Variants in MARCHF1 observed in about 807,000 individuals in gnomAD.
The protein encoded by MARCHF1 is E3 ubiquitin-protein ligase MARCHF1.
MARCHF1 carries 40 observed loss-of-function variants against 54.2 expected under a neutral mutation model. That is an observed-to-expected ratio of 0.74 (90% CI 0.57 to 0.96). The LOEUF is 0.96. MARCHF1 is among the 40% of genes least tolerant of loss of function. The pLI is 0.00. For synonymous variants in MARCHF1, 236 were observed against 236.3 expected (o/e 1.00, Z 0.01); for missense variants, 586 against 656.5 (o/e 0.89, Z 1.17).
chr4:163,926,562 T>C (rs966745309), intron 3 of MARCHF1, among the ~76,000 whole-genome samples: 7 of 151,640 alleles, frequency 4.6e-5, no homozygotes, highest in African/African-American at 1.4e-4. Context: ...CTAATCCTTC[T>C]CCAAAATGGT....
chr4:164,033,550 A>C (rs1179050907), intron 2 of MARCHF1, among the ~76,000 whole-genome samples: 1 of 152,214 alleles, frequency 6.6e-6, no homozygotes, highest in Non-Finnish European at 1.5e-5. Context: ...AATATCCAGA[A>C]TTTACAAGGA....
Position 163,676,230 on chromosome 4 carries a change from A to C in MARCHF1, c.162+24583T>G, listed in dbSNP as rs988875700. ...AAATTAGCTGGGCGTGGTGGCAGGC[A>C]CCTGTAATCCCAGGTACTAGGGAGG... On this transcript the variant is annotated intron_variant, in intron 5 of 9. Transcript: ENST00000514618. Among the ~76,000 whole-genome samples, 3 of 150,030 alleles carry C rather than the reference A, an allele frequency of 2.0e-5. No homozygotes were observed. In the East Asian group the frequency reaches 5.9e-4, roughly 29 times the overall value.
intron 2 of MARCHF1, among the ~76,000 whole-genome samples, chr4:164,096,115 C>T (rs1262610276): frequency 6.6e-6 from 1 of 152,168 alleles, no homozygotes; most frequent in African/African-American, 2.4e-5. Context: ...CACATGCACT[C>T]ATATGTTCAC....
intron 3 of MARCHF1, among the ~76,000 whole-genome samples, chr4:163,895,492 C>A (rs1750785809): frequency 6.6e-6 from 1 of 152,128 alleles, no homozygotes; most frequent in South Asian, 2.1e-4. Context: ...GCCACCTAAA[C>A]CAGAAGTAAG....
chr4:163,724,506 T>G (rs962786279), intron 4 of MARCHF1, among the ~76,000 whole-genome samples: 1 of 152,168 alleles, frequency 6.6e-6, no homozygotes, highest in Non-Finnish European at 1.5e-5. Context: ...TCAAACTCCA[T>G]GCTGGGAGAA....
chr4:164,147,437 T>G lies in MARCHF1; in HGVS notation c.-322-35775A>C, dbSNP rs916499951. 7.6e-5 allele frequency among the ~76,000 whole-genome samples: 10 copies of G among 131,162 alleles called. 1 individual carries two copies. The highest frequency in any genetic ancestry group is 3.4e-4 in the African/African-American group (10 of 29,640). 86.0% of individuals were successfully genotyped at this position (131,162 alleles called of 152,430 possible). A position where few individuals can be genotyped will look rare whatever the true frequency, so the allele number is the denominator to read the frequency against. ...TGGAACTAACCCAAATGTCCAACAATGATAGACTGGATTAAGAAAATGTGG... is the reference window on the plus strand; with the variant it reads ...TGGAACTAACCCAAATGTCCAACAAGGATAGACTGGATTAAGAAAATGTGG... On this transcript the variant is annotated intron_variant, in intron 1 of 9. Coordinates refer to ENST00000514618, the MANE Select transcript of MARCHF1 (RefSeq NM_001394959.1).
intron 2 of MARCHF1, among the ~76,000 whole-genome samples, chr4:164,013,456 G>A (rs1387484575): frequency 1.3e-5 from 2 of 152,084 alleles, no homozygotes; most frequent in South Asian, 2.1e-4. Flanking sequence ...TAAGGAGGAT[G>A]GAAAGAGAAA....
intron 2 of MARCHF1, among the ~76,000 whole-genome samples, chr4:163,993,964 G>A (rs1339357673): frequency 6.6e-6 from 1 of 152,078 alleles, no homozygotes; most frequent in East Asian, 1.9e-4. Context: ...GATTTATTTT[G>A]GCAAATAAAG....
intron 1 of MARCHF1, among the ~76,000 whole-genome samples, chr4:164,206,199 G>C (rs1185638710): frequency 6.6e-6 from 1 of 152,164 alleles, no homozygotes; most frequent in African/African-American, 2.4e-5. Context: ...CACTTTGGGA[G>C]GCTCAGGCAG....
intron 8 of MARCHF1, among the ~76,000 whole-genome samples, chr4:163,557,866 C>G (rs79505443): frequency 6.6e-6 from 1 of 152,128 alleles, no homozygotes; most frequent in Admixed American, 6.5e-5. Context: ...TTAAACCAAT[C>G]TAATATTATT....
chr4:164,013,600 C>T (rs1753473008), intron 2 of MARCHF1, among the ~76,000 whole-genome samples: 1 of 151,932 alleles, frequency 6.6e-6, no homozygotes, highest in Non-Finnish European at 1.5e-5. Context: ...AATAAACTCT[C>T]AAAGGTCAAG....
intron 7 of MARCHF1, among the ~76,000 whole-genome samples, chr4:163,596,875 T>C (rs1055029730): frequency 2.0e-5 from 3 of 152,310 alleles, no homozygotes; most frequent in Admixed American, 6.5e-5. Flanking sequence ...TAAAATGTGG[T>C]TCCTTCCTCT....
chr4:164,305,169 C>CA lies in MARCHF1; in HGVS notation c.-323+78700dup, dbSNP rs1395518228. Reference sequence around the variant, plus strand: ...TACTGTGAAATGGGAAAGTGACCCCCAAAATGGCAAAATCCCCACCCTATA... The same window carrying CA: ...TACTGTGAAATGGGAAAGTGACCCCCAAAAATGGCAAAATCCCCACCCTATA... On this transcript the variant is annotated intron_variant, in intron 1 of 9. Transcript: ENST00000514618. 2.0e-5 allele frequency among the ~76,000 whole-genome samples: 3 copies of CA among 152,180 alleles called. No homozygotes were observed. The East Asian group carries it at 5.8e-4, about 29-fold the overall frequency.
intron 5 of MARCHF1, among the ~76,000 whole-genome samples, chr4:163,696,275 A>T (rs1744629996): frequency 6.6e-6 from 1 of 152,192 alleles, no homozygotes; most frequent in Non-Finnish European, 1.5e-5. Context: ...TTTGATGTTC[A>T]CGAGCAATTG....
intron 2 of MARCHF1, among the ~76,000 whole-genome samples, chr4:164,015,934 G>A (rs755596188): frequency 6.6e-6 from 1 of 151,262 alleles, no homozygotes; most frequent in Non-Finnish European, 1.5e-5. Flanking sequence ...GAACTACCAT[G>A]TGATCCAACA....
intron 2 of MARCHF1, among the ~76,000 whole-genome samples, chr4:163,990,012 T>C (rs1752943414): frequency 6.6e-6 from 1 of 152,204 alleles, no homozygotes. Context: ...AGCAATAATA[T>C]CATTTCCATT....
intron 3 of MARCHF1, among the ~76,000 whole-genome samples, chr4:163,984,127 G>C (rs1302305045): frequency 6.6e-6 from 1 of 152,044 alleles, no homozygotes; most frequent in Non-Finnish European, 1.5e-5. Flanking sequence ...CCCAGTAACA[G>C]ATCTCCAGCT....
chr4:164,285,605 G>A (rs1437045948), intron 1 of MARCHF1, among the ~76,000 whole-genome samples: 1 of 151,334 alleles, frequency 6.6e-6, no homozygotes, highest in Non-Finnish European at 1.5e-5. Flanking sequence ...ACCACGCCCG[G>A]CTAAATTTTT....
intron 2 of MARCHF1, among the ~76,000 whole-genome samples, chr4:164,046,820 T>C (rs1754253199): frequency 6.6e-6 from 1 of 152,140 alleles, no homozygotes; most frequent in Non-Finnish European, 1.5e-5. Context: ...AGGTATTGGA[T>C]GAGAACTCAG....
Sources: allele counts gnomAD v4.1 joint callset (sites outside exome capture counted in the v4.1 genomes callset), GRCh38; gene constraint gnomAD v4.1.1; transcripts MANE v1.5; gene names NCBI Gene and HGNC (gene_info 2026-07-23, HGNC 2026-07-21).